The following TXLNA variants were observed in gnomAD, a reference collection of about 807,000 sequenced individuals.
TXLNA encodes the protein taxilin alpha.
Under a neutral mutation model 61.4 loss-of-function variants are expected in TXLNA, and 9 were observed. The observed-to-expected ratio is 0.15, with a 90% CI of 0.09 to 0.26. TXLNA has a LOEUF of 0.26. Among genes scored for constraint, TXLNA ranks in the 10% least tolerant of loss-of-function variants. The pLI, the probability that TXLNA is intolerant of heterozygous loss-of-function variation, is 1.00. For synonymous variants in TXLNA, 257 were observed against 267.7 expected (o/e 0.96, Z 0.39); for missense variants, 565 against 688.8 (o/e 0.82, Z 2.01).
Position 32,195,141 on chromosome 1 carries a change from C to T in TXLNA, c.1587C>T (p.Ser529=). The change falls in exon 11 of 11, where the codon AGC becomes AGT. Residue 529 remains serine (S), a synonymous_variant. Transcript: ENST00000373610. Reference sequence around the variant, plus strand: ...CGCCTTGCTACCCAGGAGCACCGAGCACAGAAGCATCAGGCCAGACTGGGC... The same window carrying T: ...CGCCTTGCTACCCAGGAGCACCGAGTACAGAAGCATCAGGCCAGACTGGGC... ...TEAPCYPGAP[S]TEASGQTGPQ... 6.2e-7 allele frequency: 1 copy of T among 1,613,578 alleles called. No individual in the cohort carries two copies. The highest frequency in any genetic ancestry group is 8.5e-7 in the Non-Finnish European group (1 of 1,179,730).
At chr1:32,190,564 C>G (rs367827712) in intron 6 of TXLNA, among the ~76,000 whole-genome samples, 7 of 152,308 alleles carry the variant, frequency 4.6e-5, no homozygotes, top group African/African-American at 1.7e-4. Context: ...GCACCCTCAG[C>G]AGGGCCTTGG....
intron 5 of TXLNA, among the ~76,000 whole-genome samples, chr1:32,188,522 C>T (rs1003690192): frequency 1.3e-5 from 2 of 151,954 alleles, no homozygotes; most frequent in Non-Finnish European, 2.9e-5. Context: ...CCTATAATCC[C>T]AGCTACTCAG....
At position 32,192,830 on chromosome 1, in the gene TXLNA, T is replaced by C. The variant is rs570257237; in HGVS notation, c.1158+99T>C. On this transcript the variant is annotated intron_variant, in intron 8 of 10. Coordinates refer to ENST00000373610, the MANE Select transcript of TXLNA (RefSeq NM_175852.4). The surrounding 1 kb of genome is among the most constrained non-coding windows in gnomAD (Gnocchi z 4.2). ...GACCCTCATTCTAGGACTGGCTGTG[T>C]CCTGGCTGCTATGACGCCTTGGTTG... The C allele has an allele frequency of 2.4e-6, 3 of 1,265,804 alleles. No homozygotes were observed. In the Admixed American group the frequency reaches 5.4e-5, roughly 23 times the overall value. The allele number at this position is 1,265,804 out of a possible 1,614,324, so 78.4% of individuals were successfully genotyped here.
intron 2 of TXLNA, 22 bp from the exon 3 acceptor site, chr1:32,181,220 C>T: frequency 6.5e-7 from 1 of 1,530,774 alleles, no homozygotes; most frequent in Non-Finnish European, 8.8e-7. Context: ...CTCACTCTAC[C>T]CCTCATCCTC....
chr1:32,193,943 G>A (rs1642959909), intron 9 of TXLNA, 122 bp from the exon 10 acceptor site: 2 of 714,244 alleles, frequency 2.8e-6, no homozygotes, highest in Non-Finnish European at 4.8e-6. Context: ...ATCCTGTAAT[G>A]CCTTGCGCCT....
rs1643003136 is a variant in TXLNA, at chr1:32,195,654, G to A, written c.*459G>A. 2.2e-6 allele frequency: 1 copy of A among 453,010 alleles called. No homozygotes were observed. The highest frequency in any genetic ancestry group is 4.4e-6 in the Non-Finnish European group (1 of 226,314). 28.1% of individuals were successfully genotyped at this position (453,010 alleles called of 1,614,324 possible). A position where few individuals can be genotyped will look rare whatever the true frequency, so the allele number is the denominator to read the frequency against. On this transcript the variant is annotated 3_prime_UTR_variant, in exon 11 of 11. Coordinates refer to ENST00000373610, the MANE Select transcript of TXLNA (RefSeq NM_175852.4). ...GAGCAGGGCTTGCTTGGTCAGCTCA[G>A]GCCCTCCTAGCTGCTCTGGAGGCTC...
chr1:32,185,039 G>T (rs1188749904), intron 4 of TXLNA, among the ~76,000 whole-genome samples: 1 of 152,122 alleles, frequency 6.6e-6, no homozygotes, highest in Non-Finnish European at 1.5e-5. Context: ...ACTTTTAACA[G>T]AAACTAGACT....
chr1:32,184,118 T>G (rs1176067603), intron 3 of TXLNA, among the ~76,000 whole-genome samples: 3 of 152,224 alleles, frequency 2.0e-5, no homozygotes, highest in Admixed American at 6.5e-5. Context: ...CTAAGATACC[T>G]ATTCCTTTTT....
intron 3 of TXLNA, among the ~76,000 whole-genome samples, chr1:32,182,825 T>C (rs1022160730): frequency 2.0e-5 from 3 of 151,522 alleles, no homozygotes; most frequent in African/African-American, 4.9e-5. Flanking sequence ...TCCAGCACTT[T>C]GGGAGGCCAA....
intron 3 of TXLNA, among the ~76,000 whole-genome samples, chr1:32,183,538 T>C (rs1470693728): frequency 2.1e-5 from 3 of 143,398 alleles, no homozygotes; most frequent in Non-Finnish European, 3.0e-5. Context: ...GCCATTCTCC[T>C]GCCTCAGCCT....
At chr1:32,187,333 T>C (rs897483967) in intron 4 of TXLNA, among the ~76,000 whole-genome samples, 2 of 152,212 alleles carry the variant, frequency 1.3e-5, no homozygotes, top group Non-Finnish European at 2.9e-5. Context: ...TTTAATTACT[T>C]ATGTGGTTTG....
At chr1:32,191,093 CAAAAAAAA>C (rs1159645218) in intron 6 of TXLNA, among the ~76,000 whole-genome samples, 1 of 58,672 alleles carries the variant, frequency 1.7e-5, no homozygotes, top group East Asian at 5.2e-4. Context: ...GACTCCATCT[CAAAAAAAA>C]AAAAAAAAAA....
At chr1:32,185,643 G>C (rs1056972330) in intron 4 of TXLNA, among the ~76,000 whole-genome samples, 35 of 143,042 alleles carry the variant, frequency 2.4e-4, no homozygotes, top group Admixed American at 7.4e-4. Context: ...CTCGTGATCC[G>C]CCCGCCTCGG....
At position 32,192,214 on chromosome 1, in the gene TXLNA, T is replaced by C; in HGVS notation, c.964-97T>C. On this transcript the variant is annotated intron_variant, in intron 6 of 10. Coordinates refer to ENST00000373610, the MANE Select transcript of TXLNA (RefSeq NM_175852.4). The surrounding 1 kb of genome is among the most constrained non-coding windows in gnomAD (Gnocchi z 4.2). ...GGGAGTCCATCATATCAGATTGAGA[T>C]GGGGGGCTGGGCAAAGTGCCCTGGT... 1.3e-6 allele frequency: 2 copies of C among 1,535,340 alleles called. No homozygotes were observed. The highest frequency in any genetic ancestry group is 1.8e-6 in the Non-Finnish European group (2 of 1,130,146).
intron 1 of TXLNA, 152 bp from the exon 2 acceptor site, chr1:32,180,161 AC>A (rs1404427442): frequency 1.3e-6 from 1 of 740,776 alleles, no homozygotes; most frequent in East Asian, 3.0e-5. Flanking sequence ...GGCTCTCCTG[AC>A]CCGCCAAGAC....
chr1:32,180,888 A>C (rs1167112625), intron 2 of TXLNA, among the ~76,000 whole-genome samples: 1 of 152,226 alleles, frequency 6.6e-6, no homozygotes, highest in Non-Finnish European at 1.5e-5. Flanking sequence ...AAGGAGATGG[A>C]CTAGAAGTTG....
intron 6 of TXLNA, among the ~76,000 whole-genome samples, chr1:32,191,208 C>T (rs1185977416): frequency 3.3e-5 from 5 of 152,034 alleles, no homozygotes; most frequent in East Asian, 1.9e-4. Context: ...GTTCTGGGCG[C>T]GTTCTCATCA....
chr1:32,195,082 G>A lies in TXLNA; in HGVS notation c.1528G>A (p.Ala510Thr). Residue 510 changes from alanine to threonine, a missense_variant, in exon 11 of 11, where the codon GCT becomes ACT. By Grantham distance (58) the Ala-to-Thr change is moderately conservative (BLOSUM62 0). Transcript: ENST00000373610. ...TGAGAGGAGGCCAGAGGGGCCTGGGGCTCAAGCACCCAGCTCCCCCAGGGT... is the reference window on the plus strand; with the variant it reads ...TGAGAGGAGGCCAGAGGGGCCTGGGACTCAAGCACCCAGCTCCCCCAGGGT... ...GPERRPEGPG[A>T]QAPSSPRVTE... The A allele has an allele frequency of 6.2e-7, 1 of 1,614,130 alleles. No individual in the cohort carries two copies.
chr1:32,194,771 A>G, intron 10 of TXLNA, 131 bp from the exon 11 acceptor site: 2 of 1,100,128 alleles, frequency 1.8e-6, no homozygotes, highest in Non-Finnish European at 1.3e-6. Flanking sequence ...TTCAACTAGG[A>G]CTGTTTCCTA....
Sources: gnomAD v4.1 joint callset for allele counts (sites outside exome capture counted in the v4.1 genomes callset) on GRCh38, gnomAD v4.1.1 for gene constraint, Gnocchi (gnomAD v3.1) non-coding constraint, MANE v1.5 for transcripts, NCBI Gene and HGNC (gene_info 2026-07-23, HGNC 2026-07-21) for gene names.